The following ENOSF1 variants were observed in gnomAD, a reference collection of about 807,000 sequenced individuals.
ENOSF1 encodes mitochondrial enolase superfamily member 1.
A neutral mutation model predicts 68.2 loss-of-function variants in ENOSF1; 73 were observed. That is an observed-to-expected ratio of 1.07 (90% CI 0.89 to 1.30). The LOEUF (loss-of-function observed/expected upper bound fraction) is 1.30, where lower values mean the gene tolerates loss of function less well. Ranked by LOEUF, ENOSF1 falls within the 50% of genes most tolerant of loss-of-function variation. The pLI, the probability that ENOSF1 is intolerant of heterozygous loss-of-function variation, is 0.00. For synonymous variants in ENOSF1, 223 were observed against 210.4 expected (o/e 1.06, Z -0.52); for missense variants, 589 against 554.5 (o/e 1.06, Z -0.62).
intron 10 of ENOSF1, among the ~76,000 whole-genome samples, chr18:685,582 G>A (rs996872490): frequency 2.0e-5 from 3 of 152,136 alleles, no homozygotes; most frequent in Non-Finnish European, 2.9e-5. Flanking sequence ...CTTCAGTAAT[G>A]GCCCCCTGAC....
intron 1 of ENOSF1, among the ~76,000 whole-genome samples, chr18:708,551 T>TA: frequency 6.6e-6 from 1 of 152,074 alleles, no homozygotes; most frequent in Middle Eastern, 3.4e-3. Flanking sequence ...ACCTTAATAA[T>TA]ATAAGGCAGA....
intron 1 of ENOSF1, chr18:706,815 A>AT (rs71297337): frequency 0.012 from 1,514 of 131,010 alleles, 18 homozygotes; most frequent in Admixed American, 0.03. Context: ...ATATATATAT[A>AT]TTTTTTTTTT....
chr18:669,237 T>A, downstream of ENOSF1: 1 of 1,447,698 alleles, frequency 6.9e-7, no homozygotes, highest in Non-Finnish European at 9.6e-7. Flanking sequence ...CAATCTGGTT[T>A]TGTGCAGAGG....
At chr18:702,928 C>G (rs1482616335) in intron 2 of ENOSF1, among the ~76,000 whole-genome samples, 1 of 152,034 alleles carries the variant, frequency 6.6e-6, no homozygotes, top group Non-Finnish European at 1.5e-5. Flanking sequence ...TCACAGTAAC[C>G]CTATTTTTTT....
chr18:665,437 A>G (rs200168887), downstream of ENOSF1, among the ~76,000 whole-genome samples: 2,080 of 149,802 alleles, frequency 0.014, 122 homozygotes, highest in East Asian at 0.22. Flanking sequence ...AGCGGTCTAT[A>G]AATTTTGTTG....
At chr18:664,503 C>T in the ENOSF1 span, among the ~76,000 whole-genome samples, 1 of 139,394 alleles carries the variant, frequency 7.2e-6, no homozygotes, top group East Asian at 2.1e-4. Flanking sequence ...ATTGAATACC[C>T]TTTATTTCCT....
In ENOSF1 at chr18:673,048, T is replaced by TG. The variant is rs751196429; in HGVS notation, c.*1256dup. On this transcript the variant is annotated 3_prime_UTR_variant, in exon 16 of 16. Transcript: ENST00000647584. ...TATTGTCAGTCTTTAGGGGTTGGGC[T>TG]GGATGCCGAGGTAAAAGTTCTTTTT... The TG allele has an allele frequency of 1.2e-5, 18 of 1,448,728 alleles. No homozygotes were observed. Among genetic ancestry groups the TG allele is most frequent in the Non-Finnish European group, 1.7e-5 (18 of 1,083,616 alleles). The allele number at this position is 1,448,728 out of a possible 1,614,324, so 89.7% of individuals were successfully genotyped here.
At chr18:704,816 G>A (rs1568131892) in intron 2 of ENOSF1, among the ~76,000 whole-genome samples, 2 of 152,054 alleles carry the variant, frequency 1.3e-5, no homozygotes, top group Non-Finnish European at 2.9e-5. Context: ...ATGTTGACCA[G>A]GCTGGTCTTG....
chr18:703,719 CAG>C (rs1428317627), intron 2 of ENOSF1, among the ~76,000 whole-genome samples: 2 of 152,184 alleles, frequency 1.3e-5, no homozygotes, highest in African/African-American at 2.4e-5. Flanking sequence ...GCCTTTTGGA[CAG>C]AGTGAAGTTA....
At chr18:705,361 AT>A (rs149615123) in intron 2 of ENOSF1, among the ~76,000 whole-genome samples, 2,346 of 152,310 alleles carry the variant, frequency 0.015, 48 homozygotes, top group African/African-American at 0.054. Flanking sequence ...ATGTGTAAGT[AT>A]TATGTATTCA....
At chr18:669,141 G>A, downstream of ENOSF1, 3 of 1,614,168 alleles carry the variant, frequency 1.9e-6, no homozygotes, top group Non-Finnish European at 2.5e-6. Context: ...CCTGACGACA[G>A]AAGAATCATC....
downstream of ENOSF1, among the ~76,000 whole-genome samples, chr18:670,045 A>AT (rs34118802): frequency 0.01 from 1,395 of 138,542 alleles, 16 homozygotes; most frequent in African/African-American, 0.031. Flanking sequence ...ATAGAGACTT[A>AT]TTTTTTTTTT....
chr18:679,561 G>GA (rs35144608), intron 11 of ENOSF1, among the ~76,000 whole-genome samples: 24 of 147,504 alleles, frequency 1.6e-4, no homozygotes, highest in South Asian at 6.5e-4. Context: ...AAAAATCCAT[G>GA]AAAAAAAAAA....
chr18:695,122 T>C (rs2145157316), intron 3 of ENOSF1, among the ~76,000 whole-genome samples: 1 of 152,334 alleles, frequency 6.6e-6, no homozygotes, highest in South Asian at 2.1e-4. Flanking sequence ...GGATCACGTA[T>C]TACATTTAGT....
rs562231430 is a variant in ENOSF1 at position 694,117 on chromosome 18, A to G, written c.396+131T>C. 1,801 of 1,122,968 alleles carry G rather than the reference A, an allele frequency of 1.6e-3. 6 individuals carry two copies. Among genetic ancestry groups the G allele is most frequent in the Admixed American group, 2.4e-3 (100 of 41,634 alleles). 69.6% of individuals were successfully genotyped at this position (1,122,968 alleles called of 1,614,324 possible). On this transcript the variant is annotated intron_variant, in intron 4 of 15. Coordinates refer to ENST00000647584, the MANE Select transcript of ENOSF1 (RefSeq NM_017512.7). ...CTACTGCCAAAACCTCTCAGAGGAG[A>G]AAAAAACACCAAAGCAATTATCTGT... is the stretch of plus-strand genomic sequence containing the variant.
Position 672,965 on chromosome 18 carries a change from C to T in ENOSF1, c.*1340G>A, listed in dbSNP as rs1442195189. The T allele has an allele frequency of 3.2e-6, 5 of 1,575,072 alleles. No homozygotes were observed. The highest frequency in any genetic ancestry group is 4.3e-6 in the Non-Finnish European group (5 of 1,150,762). ...CTTTCAGATTGAAGGGTACAATCCG[C>T]ATCCAACTATTAAAATGGAAATGGC... On this transcript the variant is annotated 3_prime_UTR_variant, in exon 16 of 16. Transcript: ENST00000647584.
At chr18:697,404 G>A in intron 2 of ENOSF1, 49 bp from the exon 3 acceptor site, 1 of 1,305,914 alleles carries the variant, frequency 7.7e-7, no homozygotes, top group African/African-American at 1.5e-5. Flanking sequence ...ACTAGGTCAA[G>A]AAATTAGCAC....
chr18:677,246 G>A, intron 14 of ENOSF1, 99 bp downstream of exon 14: 1 of 954,332 alleles, frequency 1.0e-6, no homozygotes, highest in South Asian at 1.5e-5. Flanking sequence ...CAGCGGACAA[G>A]GTCTTAGTGT....
chr18:677,931 C>G (rs2298581), intron 12 of ENOSF1, 59 bp from the exon 13 acceptor site: 342,108 of 1,568,132 alleles, frequency 0.22, 39,152 homozygotes, highest in East Asian at 0.39. Context: ...TTCAGGATCT[C>G]TAAACCTGGC....
Sources: gnomAD v4.1 joint callset for allele counts (sites outside exome capture counted in the v4.1 genomes callset) on GRCh38, gnomAD v4.1.1 for gene constraint, MANE v1.5 for transcripts, NCBI Gene and HGNC (gene_info 2026-07-23, HGNC 2026-07-21) for gene names.